The following EXOG variants were observed in gnomAD, a reference collection of about 807,000 sequenced individuals.
EXOG encodes nuclease EXOG, mitochondrial.
EXOG carries 27 observed loss-of-function variants against 25.8 expected under a neutral mutation model. The ratio of observed to expected loss-of-function variants is 1.05; its 90% CI spans 0.77 to 1.45. The LOEUF is 1.45. EXOG is among the 40% of genes most tolerant of loss of function. EXOG has a pLI of 0.00. For missense variants in EXOG, 458 were observed against 450.5 expected, an observed-to-expected ratio of 1.02 and a Z score of -0.15; for synonymous variants, 133 against 167.0, an observed-to-expected ratio of 0.80 and a Z score of 1.57.
In EXOG at chr3:38,525,072, G is replaced by A. The variant is rs76624752; in HGVS notation, c.*710G>A. 3.1e-3 allele frequency: 3,029 copies of A among 984,562 alleles called. 72 individuals are homozygous for A. The African/African-American group carries it at 0.048, about 15-fold the overall frequency. 61.0% of individuals were successfully genotyped at this position (984,562 alleles called of 1,614,324 possible). ...TGCTCGTTTCTCTACTTCTGTCTAC[G>A]TAGAAGCACTCAGCAACTAGTTTCT... is the stretch of plus-strand genomic sequence containing the variant. On this transcript the variant is annotated 3_prime_UTR_variant, in exon 6 of 6. Transcript: ENST00000287675.
Position 38,501,356 on chromosome 3 carries a change from T to G in EXOG, c.315T>G (p.Gly105=). The change falls in exon 3 of 6, where the codon GGT becomes GGG. Residue 105 remains glycine (G), a splice_region_variant and synonymous_variant. Coordinates refer to ENST00000287675, the MANE Select transcript of EXOG (RefSeq NM_005107.4). ...LEHISKSKIM[G]DADRKHCKFK... ...TCCATTTTGTGTGTTTTTCTTCAGG[T>G]GATGCAGACAGAAAGCATTGTAAAT... 1 of 1,613,242 alleles carries G rather than the reference T, an allele frequency of 6.2e-7. No homozygotes were observed. The highest frequency in any genetic ancestry group is 1.3e-5 in the African/African-American group (1 of 75,034).
chr3:38,501,017 T>C, intron 2 of EXOG: 1 of 182,140 alleles, frequency 5.5e-6, no homozygotes, highest in South Asian at 1.7e-4. Flanking sequence ...AAACAAGAGT[T>C]TATTTAGTAG....
rs560692717 is a variant in EXOG at position 38,503,649 on chromosome 3, T to C, written c.488T>C (p.Ile163Thr). The C allele has an allele frequency of 2.0e-5, 32 of 1,608,028 alleles. No individual in the cohort carries two copies. Among genetic ancestry groups the C allele is most frequent in the Non-Finnish European group, 2.6e-5 (30 of 1,175,086 alleles). The change falls in exon 4 of 6, where the codon ATT becomes ACT. Residue 163 changes from isoleucine to threonine, a missense_variant. Physicochemically the swap from Ile to Thr is moderately conservative, Grantham distance 89 (BLOSUM62 -1). Coordinates refer to ENST00000287675, the MANE Select transcript of EXOG (RefSeq NM_005107.4). ...AMAETFYLSN[I>T]VPQDFDNNSG... The stretch of plus-strand genomic sequence containing the variant: ...GCTGAAACCTTTTACCTTTCTAACA[T>C]TGTGCCTCAGGATTTTGATAATAAT...
chr3:38,503,143 C>T lies in EXOG; in HGVS notation c.454-472C>T, dbSNP rs890340788. ...GTGAGGAAATTACAGTGAGGTAGAG[C>T]CTTGTATATTTGGGTGAAAAATGTG... On this transcript the variant is annotated intron_variant, in intron 3 of 5. Coordinates refer to ENST00000287675, the MANE Select transcript of EXOG (RefSeq NM_005107.4). Among the ~76,000 whole-genome samples, 4 of 152,112 alleles carry T rather than the reference C, an allele frequency of 2.6e-5. No individual in the cohort carries two copies. The East Asian group carries it at 7.7e-4, about 29-fold the overall frequency.
At position 38,524,476 on chromosome 3, in the gene EXOG, G is replaced by A; in HGVS notation, c.*114G>A. On this transcript the variant is annotated 3_prime_UTR_variant, in exon 6 of 6. Transcript: ENST00000287675. ...TTTTAAAAAGTTTTTCTCTTTAAGA[G>A]ATGTGGTCTCGCCGTGTCATCCAGG... 2 of 1,436,072 alleles carry A rather than the reference G, an allele frequency of 1.4e-6. No homozygotes were observed. The highest frequency in any genetic ancestry group is 3.1e-5 in the South Asian group (2 of 65,558). 89.0% of individuals were successfully genotyped at this position (1,436,072 alleles called of 1,614,324 possible). A position where few individuals can be genotyped will look rare whatever the true frequency, so the allele number is the denominator to read the frequency against.
Position 38,524,786 on chromosome 3 carries a change from A to G in EXOG, c.*424A>G. The G allele has an allele frequency of 2.0e-6, 2 of 990,004 alleles. No individual in the cohort carries two copies. The highest frequency in any genetic ancestry group is 2.4e-6 in the Non-Finnish European group (2 of 833,142). The allele number at this position is 990,004 out of a possible 1,614,324, so 61.3% of individuals were successfully genotyped here. A position where few individuals can be genotyped will look rare whatever the true frequency, so the allele number is the denominator to read the frequency against. ...CAGATGGAGGGCTGATCTTGTGTCAAGTTAACAGGAAGACTGCCCACAGAT... is the reference window on the plus strand; with the variant it reads ...CAGATGGAGGGCTGATCTTGTGTCAGGTTAACAGGAAGACTGCCCACAGAT... On this transcript the variant is annotated 3_prime_UTR_variant, in exon 6 of 6. Coordinates refer to ENST00000287675, the MANE Select transcript of EXOG (RefSeq NM_005107.4).
intron 5 of EXOG, among the ~76,000 whole-genome samples, chr3:38,519,806 T>A (rs2060652602): frequency 6.6e-6 from 1 of 152,220 alleles, no homozygotes; most frequent in South Asian, 2.1e-4. Context: ...CAAAAGCATC[T>A]GCTGAGGCTC....
At position 38,524,422 on chromosome 3, in the gene EXOG, A is replaced by ATG; in HGVS notation, c.*60_*61insTG. 6.6e-7 allele frequency: 1 copy of ATG among 1,511,974 alleles called. No homozygotes were observed. Among genetic ancestry groups the ATG allele is most frequent in the Non-Finnish European group, 8.8e-7 (1 of 1,134,446 alleles). The allele number at this position is 1,511,974 out of a possible 1,614,324, so 93.7% of individuals were successfully genotyped here. A position where few individuals can be genotyped will look rare whatever the true frequency, so the allele number is the denominator to read the frequency against. On this transcript the variant is annotated 3_prime_UTR_variant, in exon 6 of 6. Coordinates refer to ENST00000287675, the MANE Select transcript of EXOG (RefSeq NM_005107.4). Reference sequence around the variant, plus strand: ...GAAGCAGGCATGCCCTCTTTAGGCTAACATATTTTAGTGGCTTTGCTTTTT... The same window carrying ATG: ...GAAGCAGGCATGCCCTCTTTAGGCTATGACATATTTTAGTGGCTTTGCTTTTT...
In EXOG at chr3:38,524,684, A is replaced by T; in HGVS notation, c.*322A>T. On this transcript the variant is annotated 3_prime_UTR_variant, in exon 6 of 6. Coordinates refer to ENST00000287675, the MANE Select transcript of EXOG (RefSeq NM_005107.4). ...ATTTATGACTAAAAATTCCCCCAAAAGATGAAAGATCTACAATGTTTTTGT... is the reference window on the plus strand; with the variant it reads ...ATTTATGACTAAAAATTCCCCCAAATGATGAAAGATCTACAATGTTTTTGT... The T allele has an allele frequency of 1.9e-6, 2 of 1,028,756 alleles. No homozygotes were observed. The highest frequency in any genetic ancestry group is 8.4e-5 in the East Asian group (1 of 11,926). 63.7% of individuals were successfully genotyped at this position (1,028,756 alleles called of 1,614,324 possible). A position where few individuals can be genotyped will look rare whatever the true frequency, so the allele number is the denominator to read the frequency against.
chr3:38,521,538 GTGAA>G (rs1345605916), intron 5 of EXOG, among the ~76,000 whole-genome samples: 1 of 152,224 alleles, frequency 6.6e-6, no homozygotes, highest in Non-Finnish European at 1.5e-5. Context: ...AGAAAATCAA[GTGAA>G]TGTTCTTGAA....
chr3:38,504,949 G>A lies in EXOG; in HGVS notation c.530+1258G>A, dbSNP rs572728600. 5.9e-5 allele frequency among the ~76,000 whole-genome samples: 9 copies of A among 152,216 alleles called. No individual in the cohort carries two copies. The South Asian group carries it at 1.0e-3, about 18-fold the overall frequency. The stretch of plus-strand genomic sequence containing the variant: ...GACTTCAGCAGTTATCAGTCATGGC[G>A]ACATTTGTTTCATCTACATACCCTC... On this transcript the variant is annotated intron_variant, in intron 4 of 5. Transcript: ENST00000287675.
intron 5 of EXOG, among the ~76,000 whole-genome samples, chr3:38,522,597 C>T (rs6785707): frequency 0.049 from 7,522 of 152,258 alleles, 655 homozygotes; most frequent in African/African-American, 0.17. Context: ...CTCCACCTCC[C>T]GGGTTCAAGT....
intron 4 of EXOG, among the ~76,000 whole-genome samples, chr3:38,506,562 G>A (rs1368509128): frequency 6.6e-6 from 1 of 152,094 alleles, no homozygotes; most frequent in Admixed American, 6.5e-5. Context: ...TGGGAACTAT[G>A]GCATAAAAAA....
intron 5 of EXOG, among the ~76,000 whole-genome samples, chr3:38,510,450 A>T (rs2060333715): frequency 6.6e-6 from 1 of 152,122 alleles, no homozygotes; most frequent in African/African-American, 2.4e-5. Context: ...TTGTTCTGTG[A>T]TATGTAAGTA....
intron 4 of EXOG, among the ~76,000 whole-genome samples, chr3:38,503,932 T>G (rs2125760349): frequency 6.6e-6 from 1 of 152,338 alleles, no homozygotes; most frequent in East Asian, 1.9e-4. Context: ...AAAGTCAAGT[T>G]TTGAAAGAAA....
rs2060838285 is a variant in EXOG, at chr3:38,525,047, T to G, written c.*685T>G. On this transcript the variant is annotated 3_prime_UTR_variant, in exon 6 of 6. Transcript: ENST00000287675. ...TTTCTTTTTTCTCCTCTCATGAATCTGCTCGTTTCTCTACTTCTGTCTACG... is the reference window on the plus strand; with the variant it reads ...TTTCTTTTTTCTCCTCTCATGAATCGGCTCGTTTCTCTACTTCTGTCTACG... The G allele has an allele frequency of 1.0e-6, 1 of 985,250 alleles. No homozygotes were observed. Among genetic ancestry groups the G allele is most frequent in the Non-Finnish European group, 1.2e-6 (1 of 829,858 alleles). 61.0% of individuals were successfully genotyped at this position (985,250 alleles called of 1,614,324 possible).
rs151333347 is a variant in EXOG at position 38,502,200 on chromosome 3, C to T, written c.453+706C>T. On this transcript the variant is annotated intron_variant, in intron 3 of 5. Coordinates refer to ENST00000287675, the MANE Select transcript of EXOG (RefSeq NM_005107.4). ...CCTCCCAAAGTGCTGGGATTACAGGCGTGAGCCACTGTGCTCAGCCACTCA... is the reference window on the plus strand; with the variant it reads ...CCTCCCAAAGTGCTGGGATTACAGGTGTGAGCCACTGTGCTCAGCCACTCA... Among the ~76,000 whole-genome samples, 28 of 152,058 alleles carry T rather than the reference C, an allele frequency of 1.8e-4. No homozygotes were observed. In the East Asian group the frequency reaches 4.1e-3, roughly 22 times the overall value.
chr3:38,500,121 C>A, intron 2 of EXOG: 1 of 155,658 alleles, frequency 6.4e-6, no homozygotes, highest in Non-Finnish European at 1.4e-5. Flanking sequence ...TGGCACTGAA[C>A]GGAGAAAGGT....
At chr3:38,505,092 C>T (rs1156938653) in intron 4 of EXOG, among the ~76,000 whole-genome samples, 2 of 152,084 alleles carry the variant, frequency 1.3e-5, no homozygotes, top group Non-Finnish European at 2.9e-5. Flanking sequence ...ATTATTAATG[C>T]CCTTAAAGAA....
Sources: allele counts gnomAD v4.1 joint callset (sites outside exome capture counted in the v4.1 genomes callset), GRCh38; gene constraint gnomAD v4.1.1; transcripts MANE v1.5; gene names NCBI Gene and HGNC (gene_info 2026-07-23, HGNC 2026-07-21).